The following STPG2 variants were observed in gnomAD, a reference collection of about 807,000 sequenced individuals.
STPG2 encodes sperm-tail PG-rich repeat-containing protein 2.
STPG2 carries 56 observed loss-of-function variants against 54.2 expected under a neutral mutation model. The observed-to-expected ratio is 1.03, with a 90% CI of 0.83 to 1.29. The LOEUF is 1.29. Ranked by LOEUF, STPG2 falls within the 50% of genes most tolerant of loss-of-function variation. The pLI is 0.00. For synonymous variants in STPG2, 200 were observed against 181.8 expected, an observed-to-expected ratio of 1.10 and a Z score of -0.81; for missense variants, 596 against 544.9, an observed-to-expected ratio of 1.09 and a Z score of -0.93.
At chr4:97,976,198 A>G (rs1245280964) in intron 6 of STPG2, among the ~76,000 whole-genome samples, 1 of 152,176 alleles carries the variant, frequency 6.6e-6, no homozygotes, top group Non-Finnish European at 1.5e-5. Context: ...CCTAAGTGCT[A>G]ATATATATTA....
intron 8 of STPG2, chr4:97,916,657 G>A (rs1731889633): frequency 6.5e-6 from 1 of 152,776 alleles, no homozygotes; most frequent in Non-Finnish European, 1.5e-5. Flanking sequence ...GCTGTGGAGA[G>A]CCTCCAGGAA....
chr4:97,900,040 T>C (rs561619674), intron 8 of STPG2, among the ~76,000 whole-genome samples: 1 of 152,230 alleles, frequency 6.6e-6, no homozygotes, highest in East Asian at 1.9e-4. Flanking sequence ...AAAGGTCTAA[T>C]ATCCAGTATC....
chr4:97,719,398 C>A (rs1724382026), intron 9 of STPG2, among the ~76,000 whole-genome samples: 1 of 151,740 alleles, frequency 6.6e-6, no homozygotes, highest in Admixed American at 6.6e-5. Flanking sequence ...CAGAATCATC[C>A]CAATTAGTGT....
intron 9 of STPG2, among the ~76,000 whole-genome samples, chr4:97,722,121 G>A (rs1724469569): frequency 6.7e-6 from 1 of 149,740 alleles, no homozygotes; most frequent in Admixed American, 6.6e-5. Context: ...AGCATATTTG[G>A]TCTTTGCTTC....
chr4:97,973,559 G>T (rs573088805), intron 6 of STPG2, among the ~76,000 whole-genome samples: 1 of 152,206 alleles, frequency 6.6e-6, no homozygotes, highest in Non-Finnish European at 1.5e-5. Flanking sequence ...CCAAGACAAT[G>T]GGAAAAATGT....
chr4:97,889,617 T>C (rs1476402886), intron 8 of STPG2, among the ~76,000 whole-genome samples: 1 of 152,094 alleles, frequency 6.6e-6, no homozygotes, highest in African/African-American at 2.4e-5. Context: ...AAAAAATTGA[T>C]TTCATAGAAA....
At chr4:98,062,281 T>C (rs779028550) in intron 5 of STPG2, among the ~76,000 whole-genome samples, 47 of 152,044 alleles carry the variant, frequency 3.1e-4, no homozygotes, top group Non-Finnish European at 5.6e-4. Context: ...CAACAGACAC[T>C]GCTGTTTGTC....
At chr4:97,454,249 A>C (rs60584888) in intron 4 of STPG2, among the ~76,000 whole-genome samples, 35,674 of 151,862 alleles carry the variant, frequency 0.23, 9,524 homozygotes, top group African/African-American at 0.66. Context: ...CACGGTGGCT[A>C]ACGCCTGTAA....
intron 9 of STPG2, among the ~76,000 whole-genome samples, chr4:97,753,928 G>T (rs1725656263): frequency 6.6e-6 from 1 of 151,844 alleles, no homozygotes. Context: ...TTCTTTATCA[G>T]ATATATGATT....
intron 8 of STPG2, among the ~76,000 whole-genome samples, chr4:97,903,245 T>C (rs777983702): frequency 1.3e-5 from 2 of 152,128 alleles, no homozygotes; most frequent in Non-Finnish European, 2.9e-5. Flanking sequence ...GGAAACTATA[T>C]GAGATAATGG....
chr4:97,922,439 T>G (rs570214446), intron 8 of STPG2, among the ~76,000 whole-genome samples: 5 of 148,818 alleles, frequency 3.4e-5, no homozygotes, highest in African/African-American at 1.3e-4. Context: ...AAAAAATGAC[T>G]GTTAAAAACT....
chr4:98,101,138 A>G (rs1300951405), intron 5 of STPG2, among the ~76,000 whole-genome samples: 4 of 152,166 alleles, frequency 2.6e-5, no homozygotes, highest in Admixed American at 6.5e-5. Flanking sequence ...CATAGCAGCT[A>G]TTGAAAATTC....
At chr4:97,961,640 A>G (rs539252685) in intron 7 of STPG2, among the ~76,000 whole-genome samples, 1 of 152,182 alleles carries the variant, frequency 6.6e-6, no homozygotes, top group Non-Finnish European at 1.5e-5. Context: ...GTAAATGCAA[A>G]TCAAAACTAC....
At chr4:97,888,746 G>C (rs1031775318) in intron 8 of STPG2, among the ~76,000 whole-genome samples, 3 of 152,034 alleles carry the variant, frequency 2.0e-5, no homozygotes, top group African/African-American at 7.2e-5. Flanking sequence ...GACTTGGGAG[G>C]GGACAGAGGT....
At chr4:97,943,422 C>T (rs932341916) in intron 8 of STPG2, among the ~76,000 whole-genome samples, 4 of 152,102 alleles carry the variant, frequency 2.6e-5, no homozygotes, top group South Asian at 2.1e-4. Context: ...TTTCAATTTA[C>T]TCACTACTAG....
intron 10 of STPG2, among the ~76,000 whole-genome samples, chr4:97,694,290 T>C (rs944649514): frequency 4.6e-5 from 7 of 151,878 alleles, no homozygotes; most frequent in East Asian, 1.9e-4. Flanking sequence ...ATCAAGAAGA[T>C]AGAGGATCCA....
chr4:97,605,474 T>C (rs1329558386), intron 10 of STPG2, among the ~76,000 whole-genome samples: 1 of 151,716 alleles, frequency 6.6e-6, no homozygotes, highest in Admixed American at 6.6e-5. Context: ...AATAGATAGA[T>C]TTGGGACTAA....
intron 10 of STPG2, among the ~76,000 whole-genome samples, chr4:97,607,346 G>A (rs546433064): frequency 3.3e-5 from 5 of 151,910 alleles, no homozygotes; most frequent in East Asian, 3.9e-4. Context: ...TATAAGGAGC[G>A]GATCTTCCTG....
intron 10 of STPG2, among the ~76,000 whole-genome samples, chr4:97,708,643 T>C (rs2149004224): frequency 6.6e-6 from 1 of 152,020 alleles, no homozygotes; most frequent in South Asian, 2.1e-4. Flanking sequence ...CTTGCTATAC[T>C]CCCAATAAAA....
Sources: gnomAD v4.1 joint callset for allele counts (sites outside exome capture counted in the v4.1 genomes callset) on GRCh38, gnomAD v4.1.1 for gene constraint, MANE v1.5 for transcripts, NCBI Gene and HGNC (gene_info 2026-07-23, HGNC 2026-07-21) for gene names.